MYOM2: variants seen among roughly 807,000 people sequenced by gnomAD.
MYOM2 encodes myomesin 2.
MYOM2 carries 254 observed loss-of-function variants against 187.6 expected under a neutral mutation model. That is an observed-to-expected ratio of 1.35 (90% CI 1.22 to 1.50). The LOEUF (loss-of-function observed/expected upper bound fraction) is 1.50, where lower values mean the gene tolerates loss of function less well. MYOM2 is among the 40% of genes most tolerant of loss of function. The pLI, the probability that MYOM2 is intolerant of heterozygous loss-of-function variation, is 0.00. For synonymous variants in MYOM2, 981 were observed against 753.8 expected, an observed-to-expected ratio of 1.30 and a Z score of -4.94; for missense variants, 2,796 against 1,924.0, an observed-to-expected ratio of 1.45 and a Z score of -8.48.
intron 8 of MYOM2, among the ~76,000 whole-genome samples, chr8:2,070,228 C>A (rs17751471): frequency 0.15 from 23,372 of 152,194 alleles, 1,953 homozygotes; most frequent in Middle Eastern, 0.18. Context: ...GCCTGAACTT[C>A]CCAGGAAGGA....
intron 19 of MYOM2, among the ~76,000 whole-genome samples, chr8:2,099,431 G>C: frequency 6.6e-6 from 1 of 152,008 alleles, no homozygotes; most frequent in Admixed American, 6.6e-5. Flanking sequence ...AGCTCCTGCA[G>C]TCCTCTCAGG....
chr8:2,109,203 A>G, intron 24 of MYOM2, 192 bp from the exon 25 acceptor site: 1 of 616,120 alleles, frequency 1.6e-6, no homozygotes, highest in Non-Finnish European at 2.7e-6. Context: ...CTCATGTGGC[A>G]TGAGGCTTTA....
In MYOM2 at chr8:2,097,052, T is replaced by A. The variant is rs73657725; in HGVS notation, c.2313+618T>A. 8,850 of 905,060 alleles carry A rather than the reference T, an allele frequency of 9.8e-3. 595 individuals are homozygous for A. The African/African-American group carries it at 0.15, about 15-fold the overall frequency. 56.1% of individuals were successfully genotyped at this position (905,060 alleles called of 1,614,324 possible). On this transcript the variant is annotated intron_variant, in intron 18 of 36. Transcript: ENST00000262113. ...TCTGAGCATAGATGAATGACCCTCA[T>A]CTCACACTACAGCTCCCGTCCGGAC...
chr8:2,084,220 G>A (rs534814595), intron 13 of MYOM2, among the ~76,000 whole-genome samples: 2 of 152,188 alleles, frequency 1.3e-5, no homozygotes, highest in African/African-American at 4.8e-5. Flanking sequence ...GTTACCCTCT[G>A]CATTTTCCGG....
intron 6 of MYOM2, among the ~76,000 whole-genome samples, chr8:2,066,219 C>G (rs1474336751): frequency 6.6e-6 from 1 of 152,216 alleles, no homozygotes; most frequent in Non-Finnish European, 1.5e-5. Flanking sequence ...TGCACGGGAA[C>G]TGCCCGTGCA....
At chr8:2,123,445 T>A in intron 29 of MYOM2, 80 bp downstream of exon 29, 1 of 1,474,026 alleles carries the variant, frequency 6.8e-7, no homozygotes, top group South Asian at 1.2e-5. Flanking sequence ...AATCCTCTAA[T>A]TTGCATCCTG....
intron 23 of MYOM2, among the ~76,000 whole-genome samples, chr8:2,107,826 A>C (rs1226192618): frequency 6.6e-6 from 1 of 152,224 alleles, no homozygotes; most frequent in Non-Finnish European, 1.5e-5. Flanking sequence ...GGACTTCTGA[A>C]AAGCTGTGCA....
intron 29 of MYOM2, 25 bp downstream of exon 29, chr8:2,123,390 A>C (rs1400884701): frequency 6.4e-7 from 1 of 1,560,404 alleles, no homozygotes; most frequent in Non-Finnish European, 8.8e-7. Context: ...GTAACACAAG[A>C]AAGCAAAACA....
At chr8:2,064,569 C>A (rs937030389) in intron 6 of MYOM2, among the ~76,000 whole-genome samples, 1 of 152,206 alleles carries the variant, frequency 6.6e-6, no homozygotes, top group African/African-American at 2.4e-5. Context: ...GGATGGAGGG[C>A]TTCTTCCCCC....
intron 35 of MYOM2, 128 bp downstream of exon 35, chr8:2,142,525 GCCA>G (rs1798308291): frequency 1.1e-5 from 10 of 889,768 alleles, no homozygotes; most frequent in East Asian, 2.4e-5. Context: ...ATGTAACAAC[GCCA>G]CCAACACCAC....
At chr8:2,142,697 C>G (rs1798314810) in intron 35 of MYOM2, among the ~76,000 whole-genome samples, 1 of 118,338 alleles carries the variant, frequency 8.5e-6, no homozygotes, top group Non-Finnish European at 1.7e-5. Context: ...CTTCCTCCCT[C>G]CCCTCCCCTT....
rs150839215 is a variant in MYOM2, at chr8:2,107,882, T to A, written c.2999-904T>A. The stretch of plus-strand genomic sequence containing the variant: ...GTTTCCATCTTAATTTTAACTTTTT[T>A]AAATACTTGCAAAAGAAAAAATTCC... On this transcript the variant is annotated intron_variant, in intron 23 of 36. Coordinates refer to ENST00000262113, the MANE Select transcript of MYOM2 (RefSeq NM_003970.4). 8.5e-5 allele frequency among the ~76,000 whole-genome samples: 13 copies of A among 152,352 alleles called. No homozygotes were observed. The East Asian group carries it at 2.1e-3, about 25-fold the overall frequency.
At chr8:2,088,915 G>A (rs1038161421) in intron 14 of MYOM2, among the ~76,000 whole-genome samples, 1 of 152,240 alleles carries the variant, frequency 6.6e-6, no homozygotes, top group Non-Finnish European at 1.5e-5. Flanking sequence ...CCCATATTCT[G>A]ATGTAGGAGA....
intron 27 of MYOM2, among the ~76,000 whole-genome samples, chr8:2,117,196 T>C (rs976197993): frequency 3.9e-5 from 6 of 152,250 alleles, no homozygotes; most frequent in Admixed American, 3.3e-4. Flanking sequence ...ACAAATATTT[T>C]ACTTACTTCT....
chr8:2,059,991 C>T (rs1235805986), intron 6 of MYOM2, among the ~76,000 whole-genome samples: 2 of 152,202 alleles, frequency 1.3e-5, no homozygotes, highest in Non-Finnish European at 2.9e-5. Context: ...ATCCACCTGC[C>T]TCGGTCTCCC....
chr8:2,057,281 G>C, intron 3 of MYOM2, 67 bp from the exon 4 acceptor site: 2 of 1,536,364 alleles, frequency 1.3e-6, no homozygotes, highest in South Asian at 1.3e-5. Flanking sequence ...TGCCCTTTCC[G>C]GCCTTCGGGG....
At chr8:2,048,978 A>G (rs1818396560) in intron 1 of MYOM2, among the ~76,000 whole-genome samples, 1 of 151,778 alleles carries the variant, frequency 6.6e-6, no homozygotes, top group African/African-American at 2.4e-5. Flanking sequence ...TTTTTAGTAG[A>G]GACGGGGTTT....
At chr8:2,072,012 G>C (rs575506673) in intron 8 of MYOM2, among the ~76,000 whole-genome samples, 347 of 148,546 alleles carry the variant, frequency 2.3e-3, no homozygotes, top group African/African-American at 8.7e-3. Context: ...CTGGAATTCT[G>C]GGGGGACACA....
At chr8:2,088,673 T>G (rs937003042) in intron 14 of MYOM2, among the ~76,000 whole-genome samples, 1 of 152,214 alleles carries the variant, frequency 6.6e-6, no homozygotes, top group African/African-American at 2.4e-5. Flanking sequence ...GGTCCACCAT[T>G]GCAGGGTTGA....
Sources: gnomAD v4.1 joint callset for allele counts (sites outside exome capture counted in the v4.1 genomes callset) on GRCh38, gnomAD v4.1.1 for gene constraint, MANE v1.5 for transcripts, NCBI Gene and HGNC (gene_info 2026-07-23, HGNC 2026-07-21) for gene names.